PTPRN2: variants seen among roughly 807,000 people sequenced by gnomAD.
PTPRN2 encodes the protein protein tyrosine phosphatase receptor type N2.
PTPRN2 carries 74 observed loss-of-function variants against 118.8 expected under a neutral mutation model. The observed-to-expected ratio is 0.62, with a 90% CI of 0.52 to 0.76. PTPRN2 has a LOEUF of 0.76. Among genes scored for constraint, PTPRN2 ranks in the 30% least tolerant of loss-of-function variants. PTPRN2 has a pLI of 0.00. For synonymous variants in PTPRN2, 641 were observed against 608.0 expected (o/e 1.05, Z -0.80); for missense variants, 1,481 against 1,394.4 (o/e 1.06, Z -0.99).
In PTPRN2 at chr7:157,953,756, TAA is replaced by T. The variant is rs1214669281; in HGVS notation, c.1724-55021_1724-55020del. Among the ~76,000 whole-genome samples the T allele has an allele frequency of 6.6e-6, 1 of 152,062 alleles. No individual in the cohort carries two copies. The highest frequency in any genetic ancestry group is 2.4e-5 in the African/African-American group (1 of 41,394). ...CGGGGCAGCTGGTGGAAGCTGGGGT[TAA>T]GAGTGGAATACATGGCCAAAGGATC... On this transcript the variant is annotated intron_variant, in intron 11 of 22. Coordinates refer to ENST00000389418, the MANE Select transcript of PTPRN2 (RefSeq NM_002847.5). The surrounding 1 kb of genome is among the most constrained non-coding windows in gnomAD (Gnocchi z 4.6).
rs148748645 is a variant in PTPRN2 at position 157,674,547 on chromosome 7, G to A, written c.2001+8178C>T. On this transcript the variant is annotated intron_variant, in intron 13 of 22. Transcript: ENST00000389418. The surrounding 1 kb of genome is among the most constrained non-coding windows in gnomAD (Gnocchi z 4.5). ...GCAGCGTCTTGCCTCCTTTTATGCCGGTGTACGTGTTGTGTTAAGAGCTGG... is the reference window on the plus strand; with the variant it reads ...GCAGCGTCTTGCCTCCTTTTATGCCAGTGTACGTGTTGTGTTAAGAGCTGG... Among the ~76,000 whole-genome samples, 19 of 152,326 alleles carry A rather than the reference G, an allele frequency of 1.2e-4. No homozygotes were observed. The South Asian group carries it at 1.7e-3, about 13-fold the overall frequency.
chr7:158,333,395 C>A (rs1286194938), intron 2 of PTPRN2, among the ~76,000 whole-genome samples: 1 of 146,348 alleles, frequency 6.8e-6, no homozygotes, highest in African/African-American at 2.6e-5. Flanking sequence ...GAGGTGACAC[C>A]TGCAGACGTC....
intron 11 of PTPRN2, among the ~76,000 whole-genome samples, chr7:158,000,420 T>A (rs10271510): frequency 0.67 from 100,926 of 151,594 alleles, 34,037 homozygotes; most frequent in East Asian, 0.88. Flanking sequence ...ACCCAACACG[T>A]GAAAGCCGTG....
At chr7:158,396,863 AG>A (rs1443760492) in intron 2 of PTPRN2, among the ~76,000 whole-genome samples, 1 of 152,240 alleles carries the variant, frequency 6.6e-6, no homozygotes, top group Non-Finnish European at 1.5e-5. Context: ...GACTGTTGAG[AG>A]CCCAGAAATA....
intron 9 of PTPRN2, among the ~76,000 whole-genome samples, chr7:158,131,673 C>G (rs1358170885): frequency 1.3e-5 from 2 of 149,252 alleles, no homozygotes; most frequent in African/African-American, 2.5e-5. Context: ...CGATACACAT[C>G]TACCCGACAC....
At chr7:158,134,567 C>T (rs767644238) in intron 8 of PTPRN2, among the ~76,000 whole-genome samples, 1 of 152,264 alleles carries the variant, frequency 6.6e-6, no homozygotes, top group East Asian at 1.9e-4. Flanking sequence ...GGGTGGGGCA[C>T]CCTCAGTAAC....
intron 11 of PTPRN2, among the ~76,000 whole-genome samples, chr7:158,014,578 C>T (rs1806298954): frequency 6.6e-6 from 1 of 151,982 alleles, no homozygotes; most frequent in Non-Finnish European, 1.5e-5. Context: ...CATCTTTTCA[C>T]CCATTCACCC....
chr7:158,317,762 G>A (rs571771495), intron 2 of PTPRN2, among the ~76,000 whole-genome samples: 4 of 152,200 alleles, frequency 2.6e-5, no homozygotes, highest in Non-Finnish European at 4.4e-5. Context: ...ACTAGGTTTC[G>A]CCGTGCAGCT....
At chr7:157,684,897 G>A (rs1423575873) in intron 12 of PTPRN2, among the ~76,000 whole-genome samples, 1 of 152,008 alleles carries the variant, frequency 6.6e-6, no homozygotes, top group Non-Finnish European at 1.5e-5. Flanking sequence ...GGGGGCCCCA[G>A]GCGGGGAGGA....
intron 12 of PTPRN2, among the ~76,000 whole-genome samples, chr7:157,877,415 T>G (rs1795841566): frequency 6.8e-6 from 1 of 147,274 alleles, no homozygotes; most frequent in Non-Finnish European, 1.5e-5. Flanking sequence ...CAGGGTTTCC[T>G]CAGGGACCTT....
intron 13 of PTPRN2, among the ~76,000 whole-genome samples, chr7:157,663,174 C>T (rs1795977511): frequency 1.3e-5 from 2 of 152,068 alleles, no homozygotes; most frequent in African/African-American, 4.8e-5. Context: ...CGGGCATCGG[C>T]GACTCCCTGC....
chr7:158,340,225 C>G (rs1426415617), intron 2 of PTPRN2, among the ~76,000 whole-genome samples: 34 of 58,022 alleles, frequency 5.9e-4, no homozygotes, highest in East Asian at 3.1e-3. Flanking sequence ...GATGCCGGCA[C>G]ACGTCACTCA....
rs190773715 is a variant in PTPRN2 at position 157,967,242 on chromosome 7, C to T, written c.1724-68505G>A. ...GGAGGACCCCTTAAGCCTAGGAGGT[C>T]GAGGCTGCAGTGCACTGTGATTGTG... On this transcript the variant is annotated intron_variant, in intron 11 of 22. Coordinates refer to ENST00000389418, the MANE Select transcript of PTPRN2 (RefSeq NM_002847.5). Among the ~76,000 whole-genome samples, 867 of 152,248 alleles carry T rather than the reference C, an allele frequency of 5.7e-3. 11 individuals are homozygous for T. The highest frequency in any genetic ancestry group is 0.019 in the African/African-American group (791 of 41,532).
At chr7:157,547,379 G>A (rs141833818) in intron 22 of PTPRN2, among the ~76,000 whole-genome samples, 173 of 152,278 alleles carry the variant, frequency 1.1e-3, no homozygotes, top group African/African-American at 3.9e-3. Context: ...AGGATGGTCA[G>A]TGCGGCAAGA....
chr7:157,679,275 T>A (rs1563336650), intron 13 of PTPRN2, among the ~76,000 whole-genome samples: 3 of 152,228 alleles, frequency 2.0e-5, no homozygotes, highest in Non-Finnish European at 4.4e-5. Context: ...GGGGAGAAGT[T>A]TGGTGCGAGT....
chr7:158,036,120 T>A (rs1232695172), intron 11 of PTPRN2, among the ~76,000 whole-genome samples: 1 of 151,886 alleles, frequency 6.6e-6, no homozygotes, highest in African/African-American at 2.4e-5. Flanking sequence ...AGATGCAAAA[T>A]AAATAACACT....
intron 3 of PTPRN2, among the ~76,000 whole-genome samples, chr7:158,294,513 A>G (rs1254920825): frequency 6.6e-6 from 1 of 152,136 alleles, no homozygotes; most frequent in Non-Finnish European, 1.5e-5. Context: ...CCATCTACTC[A>G]TTTGGGAATA....
chr7:157,924,908 G>C (rs1430295157), intron 11 of PTPRN2, among the ~76,000 whole-genome samples: 20 of 130,960 alleles, frequency 1.5e-4, no homozygotes, highest in South Asian at 1.1e-3. Flanking sequence ...CAGGATGCAG[G>C]CACCTGCATT....
Position 157,893,282 on chromosome 7 carries a change from T to C in PTPRN2, c.1788+5391A>G, listed in dbSNP as rs947076472. ...ATGGCAAGGTCCATCCTCTGCTCGC[T>C]CAGGGGCCAGAGAGGACACAGGTTG... is the stretch of plus-strand genomic sequence containing the variant. On this transcript the variant is annotated intron_variant, in intron 12 of 22. Transcript: ENST00000389418. This position sits in a 1 kb window ranked among gnomAD's most constrained non-coding sequence, Gnocchi z 4.0. 6.6e-6 allele frequency among the ~76,000 whole-genome samples: 1 copy of C among 152,302 alleles called. No homozygotes were observed. Among genetic ancestry groups the C allele is most frequent in the African/African-American group, 2.4e-5 (1 of 41,578 alleles).
Sources: allele counts gnomAD v4.1 joint callset (sites outside exome capture counted in the v4.1 genomes callset), GRCh38; gene constraint gnomAD v4.1.1; non-coding constraint Gnocchi (gnomAD v3.1); transcripts MANE v1.5; gene names NCBI Gene and HGNC (gene_info 2026-07-23, HGNC 2026-07-21).